The following CTIF variants were observed in gnomAD, a reference collection of about 807,000 sequenced individuals.
CTIF encodes the protein cap binding complex dependent translation initiation factor, also known as CBP80/20-dependent translation initiation factor.
CTIF carries 21 observed loss-of-function variants against 66.0 expected under a neutral mutation model. That is an observed-to-expected ratio of 0.32 (90% CI 0.23 to 0.46). The LOEUF is 0.46. Ranked by LOEUF, CTIF falls within the 20% of genes least tolerant of loss-of-function variation. The probability of loss-of-function intolerance (pLI) is 1.00; values close to 1 mark genes in which losing one functional copy is unlikely to be tolerated. For missense variants in CTIF, 739 were observed against 812.7 expected (o/e 0.91, Z 1.10); for synonymous variants, 345 against 326.4 (o/e 1.06, Z -0.62).
chr18:48,660,899 CTCTCTT>C (rs1284971374), intron 3 of CTIF, among the ~76,000 whole-genome samples: 9 of 152,206 alleles, frequency 5.9e-5, no homozygotes, highest in African/African-American at 1.9e-4. Flanking sequence ...CATAGTTGCT[CTCTCTT>C]TCTATCTCTC....
intron 1 of CTIF, among the ~76,000 whole-genome samples, chr18:48,560,578 T>TC (rs1452551633): frequency 1.3e-5 from 2 of 151,940 alleles, no homozygotes; most frequent in African/African-American, 2.4e-5. Context: ...TATCCTTCCT[T>TC]CTTTTTCTTT....
At chr18:48,626,275 A>G (rs1432098264) in intron 2 of CTIF, among the ~76,000 whole-genome samples, 1 of 152,142 alleles carries the variant, frequency 6.6e-6, no homozygotes, top group Non-Finnish European at 1.5e-5. Flanking sequence ...TGCTGGGATT[A>G]CAGGCGTGAG....
At chr18:48,630,233 G>C (rs1192285154) in intron 2 of CTIF, among the ~76,000 whole-genome samples, 1 of 152,022 alleles carries the variant, frequency 6.6e-6, no homozygotes, top group Non-Finnish European at 1.5e-5. Flanking sequence ...ACAGATGTAG[G>C]GCTTTTTACC....
chr18:48,802,838 T>A (rs1327613001), intron 9 of CTIF, among the ~76,000 whole-genome samples: 1 of 152,230 alleles, frequency 6.6e-6, no homozygotes, highest in Non-Finnish European at 1.5e-5. Context: ...CAGTGACACC[T>A]TGCTTTGAGG....
chr18:48,756,247 C>G (rs1908351433), intron 7 of CTIF: 1 of 152,162 alleles, frequency 6.6e-6, no homozygotes, highest in Non-Finnish European at 1.5e-5. Context: ...AGCACCCCAA[C>G]AGGGTGGTGT....
At chr18:48,627,235 T>C (rs1200238077) in intron 2 of CTIF, among the ~76,000 whole-genome samples, 1 of 152,184 alleles carries the variant, frequency 6.6e-6, no homozygotes, top group African/African-American at 2.4e-5. Context: ...TAAAATATAA[T>C]AGAATGAAAG....
intron 1 of CTIF, among the ~76,000 whole-genome samples, chr18:48,555,393 G>A (rs1219260146): frequency 1.3e-5 from 2 of 152,220 alleles, no homozygotes; most frequent in African/African-American, 4.8e-5. Flanking sequence ...GGCCCAGGGA[G>A]CTAAGGTCAA....
chr18:48,776,959 G>T (rs1224773910), intron 9 of CTIF, among the ~76,000 whole-genome samples: 1 of 152,222 alleles, frequency 6.6e-6, no homozygotes, highest in Non-Finnish European at 1.5e-5. Flanking sequence ...CCTGATGGTG[G>T]CTTCCTCACC....
At chr18:48,764,875 C>T (rs1909369868) in intron 9 of CTIF, among the ~76,000 whole-genome samples, 1 of 152,210 alleles carries the variant, frequency 6.6e-6, no homozygotes, top group Non-Finnish European at 1.5e-5. Flanking sequence ...TAGACAAGGC[C>T]CTTTCAGCTG....
intron 3 of CTIF, among the ~76,000 whole-genome samples, chr18:48,653,946 C>T (rs2091201803): frequency 6.6e-6 from 1 of 152,144 alleles, no homozygotes; most frequent in African/African-American, 2.4e-5. Context: ...AAACTGGATC[C>T]CTTCCTTACA....
intron 7 of CTIF, among the ~76,000 whole-genome samples, chr18:48,718,445 T>G (rs879808401): frequency 2.6e-5 from 4 of 152,098 alleles, no homozygotes; most frequent in Non-Finnish European, 5.9e-5. Context: ...AAGCCAGTGG[T>G]GTAATCAACC....
intron 6 of CTIF, among the ~76,000 whole-genome samples, chr18:48,695,924 G>A (rs893526224): frequency 6.6e-6 from 1 of 152,196 alleles, no homozygotes; most frequent in Admixed American, 6.5e-5. Context: ...CATGTGACTC[G>A]GCTCAAAGAT....
rs1368774027 is a variant in CTIF, at chr18:48,832,873, A to C, written c.1527+15497A>C. 2.6e-5 allele frequency among the ~76,000 whole-genome samples: 4 copies of C among 152,260 alleles called. No homozygotes were observed. The East Asian group carries it at 5.8e-4, about 22-fold the overall frequency. ...AAACAATTAGCTCTAGAAATTGAAC[A>C]GTAGGTACAGCTCCACTTTTTGCTG... is the stretch of plus-strand genomic sequence containing the variant. On this transcript the variant is annotated intron_variant, in intron 10 of 11. Transcript: ENST00000256413.
chr18:48,826,536 C>T (rs1476143546), intron 10 of CTIF: 1 of 152,332 alleles, frequency 6.6e-6, no homozygotes, highest in Admixed American at 6.5e-5. Context: ...CTTACAACAT[C>T]CTATAGAACT....
chr18:48,558,985 T>C (rs139804206), intron 1 of CTIF, among the ~76,000 whole-genome samples: 2 of 152,372 alleles, frequency 1.3e-5, no homozygotes, highest in African/African-American at 2.4e-5. Flanking sequence ...AAGAGTTATG[T>C]TGTAGGAGAG....
At chr18:48,620,045 C>T (rs1040397566) in intron 2 of CTIF, among the ~76,000 whole-genome samples, 3 of 152,214 alleles carry the variant, frequency 2.0e-5, no homozygotes, top group African/African-American at 4.8e-5. Context: ...ATGTGCTGAA[C>T]GCTGTTCCCT....
intron 10 of CTIF, among the ~76,000 whole-genome samples, chr18:48,825,700 G>A (rs2068569420): frequency 6.6e-6 from 1 of 152,212 alleles, no homozygotes. Flanking sequence ...TTGGCCAGAA[G>A]TGACCAAGAT....
intron 6 of CTIF, among the ~76,000 whole-genome samples, chr18:48,691,063 C>T (rs1047504854): frequency 3.2e-4 from 48 of 152,198 alleles, no homozygotes; most frequent in African/African-American, 1.1e-3. Flanking sequence ...CTTCTTCCTT[C>T]GGTATTTTTA....
intron 3 of CTIF, among the ~76,000 whole-genome samples, chr18:48,652,156 A>G (rs966599188): frequency 1.3e-5 from 2 of 152,254 alleles, no homozygotes; most frequent in African/African-American, 4.8e-5. Context: ...AAGGAGATAG[A>G]GACGCAAAAA....
Sources: gnomAD v4.1 joint callset for allele counts (sites outside exome capture counted in the v4.1 genomes callset) on GRCh38, gnomAD v4.1.1 for gene constraint, MANE v1.5 for transcripts, NCBI Gene and HGNC (gene_info 2026-07-23, HGNC 2026-07-21) for gene names.